Variants in ZNF804B observed in about 807,000 individuals in gnomAD.
ZNF804B encodes the protein zinc finger 804B.
A neutral mutation model predicts 101.4 loss-of-function variants in ZNF804B; 80 were observed. That is an observed-to-expected ratio of 0.79 (90% CI 0.66 to 0.95). ZNF804B has a LOEUF of 0.95. Ranked by LOEUF, ZNF804B falls within the 40% of genes least tolerant of loss-of-function variation. The probability of loss-of-function intolerance (pLI) is 0.00; values close to 1 mark genes in which losing one functional copy is unlikely to be tolerated. For synonymous variants in ZNF804B, 622 were observed against 558.8 expected (o/e 1.11, Z -1.59); for missense variants, 1,673 against 1,561.9 (o/e 1.07, Z -1.20).
intron 1 of ZNF804B, among the ~76,000 whole-genome samples, chr7:89,028,347 A>T (rs551744191): frequency 6.6e-6 from 1 of 152,258 alleles, no homozygotes; most frequent in African/African-American, 2.4e-5. Flanking sequence ...TTTCAGGATG[A>T]TAGAAAACAT....
At chr7:89,087,042 A>G (rs1471463594) in intron 1 of ZNF804B, among the ~76,000 whole-genome samples, 3 of 120,988 alleles carry the variant, frequency 2.5e-5, no homozygotes, top group African/African-American at 9.9e-5. Context: ...ATACATAATA[A>G]CTTTTTTTAA....
At chr7:89,283,143 G>A (rs547782754) in intron 2 of ZNF804B, among the ~76,000 whole-genome samples, 59 of 151,954 alleles carry the variant, frequency 3.9e-4, no homozygotes, top group Non-Finnish European at 6.9e-4. Context: ...TTAAACATTC[G>A]ATAAATTAAC....
chr7:89,142,918 G>A (rs1562895835), intron 1 of ZNF804B, among the ~76,000 whole-genome samples: 1 of 152,102 alleles, frequency 6.6e-6, no homozygotes, highest in South Asian at 2.1e-4. Flanking sequence ...CAAAATGCAA[G>A]TTCAAAGCAG....
intron 1 of ZNF804B, among the ~76,000 whole-genome samples, chr7:88,864,321 A>G (rs557639030): frequency 1.3e-5 from 2 of 152,310 alleles, no homozygotes; most frequent in East Asian, 3.9e-4. Context: ...TATCTCTGCT[A>G]TGGCTTCTAT....
chr7:89,129,144 C>T (rs1222643280), intron 1 of ZNF804B, among the ~76,000 whole-genome samples: 1 of 151,898 alleles, frequency 6.6e-6, no homozygotes, highest in Non-Finnish European at 1.5e-5. Context: ...GTATTAATCC[C>T]TAGATAAATT....
intron 2 of ZNF804B, among the ~76,000 whole-genome samples, chr7:89,262,755 C>T (rs1789729435): frequency 6.6e-6 from 1 of 152,064 alleles, no homozygotes; most frequent in African/African-American, 2.4e-5. Flanking sequence ...TTTTTTGTTA[C>T]AATCTCAATC....
intron 1 of ZNF804B, among the ~76,000 whole-genome samples, chr7:89,126,458 G>A (rs552505949): frequency 1.5e-3 from 221 of 152,044 alleles, no homozygotes; most frequent in African/African-American, 5.0e-3. Context: ...CACACACATT[G>A]TGGAGTCTCT....
chr7:88,809,694 G>T (rs1327597394), intron 1 of ZNF804B, among the ~76,000 whole-genome samples: 1 of 152,130 alleles, frequency 6.6e-6, no homozygotes, highest in Non-Finnish European at 1.5e-5. Context: ...CTTCTCTCAA[G>T]GACACAGAAA....
chr7:89,208,106 G>C (rs562366855), intron 1 of ZNF804B, among the ~76,000 whole-genome samples: 1 of 138,470 alleles, frequency 7.2e-6, no homozygotes, highest in Non-Finnish European at 1.5e-5. Flanking sequence ...TTTTGAGACA[G>C]AGTCTCTCTC....
chr7:88,973,279 G>A (rs971529953), intron 1 of ZNF804B, among the ~76,000 whole-genome samples: 1 of 151,020 alleles, frequency 6.6e-6, no homozygotes, highest in Non-Finnish European at 1.5e-5. Flanking sequence ...TTGTATCCCT[G>A]TGAATAAGTT....
chr7:89,028,450 G>C (rs1788782863), intron 1 of ZNF804B, among the ~76,000 whole-genome samples: 1 of 152,170 alleles, frequency 6.6e-6, no homozygotes, highest in Non-Finnish European at 1.5e-5. Flanking sequence ...TGAAGATATA[G>C]TTAACTTACT....
At chr7:89,295,267 T>C (rs1042685627) in intron 2 of ZNF804B, among the ~76,000 whole-genome samples, 5 of 152,144 alleles carry the variant, frequency 3.3e-5, no homozygotes, top group Admixed American at 6.5e-5. Flanking sequence ...ATATTTGTTG[T>C]AGGAGAAAAT....
chr7:88,932,704 A>G (rs994026424), intron 1 of ZNF804B, among the ~76,000 whole-genome samples: 65 of 151,826 alleles, frequency 4.3e-4, no homozygotes, highest in Non-Finnish European at 1.2e-4. Context: ...AGGAAGAACT[A>G]GAGACACTAA....
At chr7:89,225,959 T>C (rs1262568893) in intron 2 of ZNF804B, among the ~76,000 whole-genome samples, 3 of 152,050 alleles carry the variant, frequency 2.0e-5, no homozygotes, top group East Asian at 1.9e-4. Flanking sequence ...AGAGAGACAA[T>C]AGGAGTCTTT....
intron 1 of ZNF804B, among the ~76,000 whole-genome samples, chr7:89,085,884 T>A (rs1439189429): frequency 6.6e-6 from 1 of 152,004 alleles, no homozygotes; most frequent in Non-Finnish European, 1.5e-5. Context: ...ACTATGACAA[T>A]CCCTCAAAAA....
At chr7:88,855,354 GTGA>G (rs1468913716) in intron 1 of ZNF804B, among the ~76,000 whole-genome samples, 1 of 148,844 alleles carries the variant, frequency 6.7e-6, no homozygotes, top group African/African-American at 2.5e-5. Flanking sequence ...CTGATGGCCA[GTGA>G]TGATGAGCAT....
chr7:89,222,345 A>C (rs1040247358), intron 2 of ZNF804B, among the ~76,000 whole-genome samples: 1 of 151,758 alleles, frequency 6.6e-6, no homozygotes, highest in African/African-American at 2.4e-5. Context: ...CTCACTTCTA[A>C]ATTATTGCTG....
chr7:88,909,453 G>A (rs781697230), intron 1 of ZNF804B, among the ~76,000 whole-genome samples: 1 of 151,586 alleles, frequency 6.6e-6, no homozygotes, highest in Non-Finnish European at 1.5e-5. Context: ...TGGCAGGGTA[G>A]GTCTTTAAAT....
At chr7:89,271,139 T>A (rs527737116) in intron 2 of ZNF804B, among the ~76,000 whole-genome samples, 129 of 152,320 alleles carry the variant, frequency 8.5e-4, no homozygotes, top group Middle Eastern at 3.4e-3. Flanking sequence ...ATCCCTGTCT[T>A]GTGCCAGTTT....
Sources: gnomAD v4.1 joint callset for allele counts (sites outside exome capture counted in the v4.1 genomes callset) on GRCh38, gnomAD v4.1.1 for gene constraint, MANE v1.5 for transcripts, NCBI Gene and HGNC (gene_info 2026-07-23, HGNC 2026-07-21) for gene names.